The following CNEP1R1 variants were observed in gnomAD, a reference collection of about 807,000 sequenced individuals.
CNEP1R1 encodes the protein nuclear envelope phosphatase-regulatory subunit 1.
A neutral mutation model predicts 22.7 loss-of-function variants in CNEP1R1; 10 were observed. That is an observed-to-expected ratio of 0.44 (90% CI 0.27 to 0.75). CNEP1R1 has a LOEUF of 0.75. Ranked by LOEUF, CNEP1R1 falls within the 30% of genes least tolerant of loss-of-function variation. The pLI, the probability that CNEP1R1 is intolerant of heterozygous loss-of-function variation, is 0.17. For synonymous variants in CNEP1R1, 53 were observed against 50.1 expected, an observed-to-expected ratio of 1.06 and a Z score of -0.25; for missense variants, 73 against 151.5, an observed-to-expected ratio of 0.48 and a Z score of 2.72.
intron 3 of CNEP1R1, among the ~76,000 whole-genome samples, chr16:50,032,755 A>G (rs150937270): frequency 7.9e-5 from 12 of 152,362 alleles, no homozygotes; most frequent in Middle Eastern, 3.4e-3. Flanking sequence ...CTGTAATCCC[A>G]GCACTTTGGG....
At chr16:50,028,544 T>C (rs2036206014) in intron 2 of CNEP1R1, among the ~76,000 whole-genome samples, 1 of 152,200 alleles carries the variant, frequency 6.6e-6, no homozygotes, top group African/African-American at 2.4e-5. Flanking sequence ...CTAGGAATTA[T>C]CCCCAAAACC....
At chr16:50,029,052 C>T (rs1365612103) in intron 2 of CNEP1R1, among the ~76,000 whole-genome samples, 1 of 152,218 alleles carries the variant, frequency 6.6e-6, no homozygotes, top group African/African-American at 2.4e-5. Context: ...AGAATATTAA[C>T]TGGGTCTTGA....
Position 50,025,349 on chromosome 16 carries a change from GGCC to G in CNEP1R1, c.25+13_25+15del. 1 of 1,432,708 alleles carries G rather than the reference GGCC, an allele frequency of 7.0e-7. No homozygotes were observed. Among genetic ancestry groups the G allele is most frequent in the Non-Finnish European group, 9.1e-7 (1 of 1,097,206 alleles). The allele number at this position is 1,432,708 out of a possible 1,614,324, so 88.7% of individuals were successfully genotyped here. ...GCTGGAGCAGGCGGAAGGTAGGGTGGGCCGCCCGGGCCCGTCCCCCGTCTCCCC... is the reference window on the plus strand; with the variant it reads ...GCTGGAGCAGGCGGAAGGTAGGGTGGGCCCGGGCCCGTCCCCCGTCTCCCC... On this transcript the variant is annotated intron_variant, in intron 1 of 5. Transcript: ENST00000427478.
rs2036285406 is a variant in CNEP1R1 at position 50,037,001 on chromosome 16, T to C, written c.*1543T>C. The C allele has an allele frequency of 6.5e-6, 1 of 152,674 alleles. No homozygotes were observed. The highest frequency in any genetic ancestry group is 1.5e-5 in the Non-Finnish European group (1 of 68,034). The allele number at this position is 152,674 out of a possible 1,614,324, so 9.5% of individuals were successfully genotyped here. A position where few individuals can be genotyped will look rare whatever the true frequency, so the allele number is the denominator to read the frequency against. ...GCTCCTAAGAAGTCTTAAGAGGGTA[T>C]TCTATATATTCTGCTTTGTTTTATT... On this transcript the variant is annotated 3_prime_UTR_variant, in exon 6 of 6. Coordinates refer to ENST00000427478, the MANE Select transcript of CNEP1R1 (RefSeq NM_001281789.2).
rs2036248598 is a variant in CNEP1R1 at position 50,033,456 on chromosome 16, A to G, written c.231A>G (p.Leu77=). 10 of 1,603,626 alleles carry G rather than the reference A, an allele frequency of 6.2e-6. No homozygotes were observed. The highest frequency in any genetic ancestry group is 1.7e-4 in the Middle Eastern group (1 of 5,980). Residue 77 remains leucine, a synonymous_variant, in exon 4 of 6, where the codon CTA becomes CTG. Coordinates refer to ENST00000427478, the MANE Select transcript of CNEP1R1 (RefSeq NM_001281789.2). ...TTTTCACCATTAGCTGTATCACTCTAATAGGCTTGTTCTTTGCTGGAATAC... is the reference window on the plus strand; with the variant it reads ...TTTTCACCATTAGCTGTATCACTCTGATAGGCTTGTTCTTTGCTGGAATAC... ...HPFFTISCIT[L]IGLFFAGIHK... is the part of the protein sequence containing the mutation.
Position 50,025,359 on chromosome 16 carries a change from G to T in CNEP1R1, c.25+19G>T, listed in dbSNP as rs762737420. On this transcript the variant is annotated intron_variant, in intron 1 of 5. Transcript: ENST00000427478. ...GCGGAAGGTAGGGTGGGCCGCCCGGGCCCGTCCCCCGTCTCCCCTCGGAAG... is the reference window on the plus strand; with the variant it reads ...GCGGAAGGTAGGGTGGGCCGCCCGGTCCCGTCCCCCGTCTCCCCTCGGAAG... 169 of 1,436,702 alleles carry T rather than the reference G, an allele frequency of 1.2e-4. No homozygotes were observed. Among genetic ancestry groups the T allele is most frequent in the Admixed American group, 9.1e-5 (3 of 32,928 alleles). The allele number at this position is 1,436,702 out of a possible 1,614,324, so 89.0% of individuals were successfully genotyped here.
intron 5 of CNEP1R1, chr16:50,034,755 T>G (rs892223904): frequency 1.3e-5 from 2 of 153,988 alleles, no homozygotes; most frequent in East Asian, 1.9e-4. Context: ...ATGTAAAAAT[T>G]AGCCAGGCAG....
Position 50,026,397 on chromosome 16 carries a change from T to A in CNEP1R1, c.27T>A (p.Asp9Glu). Residue 9 changes from aspartate (D) to glutamate (E), a missense_variant and splice_region_variant, in exon 2 of 6, where the codon GAT becomes GAA. Transcript: ENST00000427478. MNSLEQAEDLKAFERRLTE... is the reference protein window; with the variant it reads MNSLEQAEELKAFERRLTE... ...GAAAATTGACATCTTTATACCTAGA[T>A]CTCAAGGCTTTTGAGAGGAGACTTA... 1 of 1,605,822 alleles carries A rather than the reference T, an allele frequency of 6.2e-7. No homozygotes were observed. The highest frequency in any genetic ancestry group is 1.1e-5 in the South Asian group (1 of 89,576).
chr16:50,031,923 A>G (rs2036234422), intron 3 of CNEP1R1, among the ~76,000 whole-genome samples: 1 of 152,204 alleles, frequency 6.6e-6, no homozygotes. Flanking sequence ...AAAGCACTGT[A>G]TATGCTAACC....
At chr16:50,028,487 T>A (rs1260727350) in intron 2 of CNEP1R1, among the ~76,000 whole-genome samples, 1 of 152,204 alleles carries the variant, frequency 6.6e-6, no homozygotes, top group Non-Finnish European at 1.5e-5. Flanking sequence ...AGAATTCTGG[T>A]TGGTCAGAAT....
chr16:50,026,509 A>T (rs1475248258), intron 2 of CNEP1R1, 42 bp downstream of exon 2: 2 of 1,356,686 alleles, frequency 1.5e-6, no homozygotes, highest in Admixed American at 1.9e-5. Flanking sequence ...CTAACAATTG[A>T]TACTTTTATC....
Position 50,035,814 on chromosome 16 carries a change from T to C in CNEP1R1, c.*356T>C, listed in dbSNP as rs908715676. On this transcript the variant is annotated 3_prime_UTR_variant, in exon 6 of 6. Transcript: ENST00000427478. ...ACTGTAAATAGCAAATCAATGCCAA[T>C]GTTAAACAAAGAGGAAAACGTTGTG... 6 of 180,858 alleles carry C rather than the reference T, an allele frequency of 3.3e-5. No homozygotes were observed. The highest frequency in any genetic ancestry group is 1.4e-4 in the African/African-American group (6 of 42,536). 11.2% of individuals were successfully genotyped at this position (180,858 alleles called of 1,614,324 possible).
chr16:50,026,503 CA>C, intron 2 of CNEP1R1, 36 bp downstream of exon 2: 2 of 1,400,872 alleles, frequency 1.4e-6, no homozygotes, highest in Non-Finnish European at 2.0e-6. Context: ...GGAAAACTAA[CA>C]ATTGATACTT....
chr16:50,029,479 C>T (rs985676241), intron 2 of CNEP1R1, among the ~76,000 whole-genome samples: 2 of 152,186 alleles, frequency 1.3e-5, no homozygotes, highest in Non-Finnish European at 2.9e-5. Flanking sequence ...CTTTTTATTT[C>T]ATTGATCATC....
chr16:50,031,019 A>G (rs2036226840), intron 3 of CNEP1R1, among the ~76,000 whole-genome samples: 1 of 152,286 alleles, frequency 6.6e-6, no homozygotes, highest in Non-Finnish European at 1.5e-5. Flanking sequence ...TTTCAAACTC[A>G]GGGCTTTTTT....
rs553452202 is a variant in CNEP1R1 at position 50,026,618 on chromosome 16, T to C, written c.97+151T>C. 151 of 622,380 alleles carry C rather than the reference T, an allele frequency of 2.4e-4. 3 individuals carry two copies. The East Asian group carries it at 3.6e-3, about 15-fold the overall frequency. 38.6% of individuals were successfully genotyped at this position (622,380 alleles called of 1,614,324 possible). On this transcript the variant is annotated intron_variant, in intron 2 of 5. Coordinates refer to ENST00000427478, the MANE Select transcript of CNEP1R1 (RefSeq NM_001281789.2). ...GAAGAAATTTTTAAGAAAAGGAAAT[T>C]ATAACTGGCCTTCTCAAAAGAACAG...
chr16:50,031,941 G>A (rs2036234508), intron 3 of CNEP1R1, among the ~76,000 whole-genome samples: 1 of 152,226 alleles, frequency 6.6e-6, no homozygotes, highest in South Asian at 2.1e-4. Context: ...ACCTGGTGCA[G>A]GCCACACACA....
intron 3 of CNEP1R1, among the ~76,000 whole-genome samples, chr16:50,030,767 A>G (rs1445374678): frequency 6.6e-6 from 1 of 152,224 alleles, no homozygotes; most frequent in African/African-American, 2.4e-5. Flanking sequence ...AAGATAACAC[A>G]TATATCAATT....
intron 2 of CNEP1R1, among the ~76,000 whole-genome samples, 184 bp from the exon 3 acceptor site, chr16:50,029,541 C>T (rs2036214420): frequency 6.6e-6 from 1 of 152,204 alleles, no homozygotes. Context: ...TACTAAGGTT[C>T]ACAATGTTTA....
Sources: gnomAD v4.1 joint callset for allele counts (sites outside exome capture counted in the v4.1 genomes callset) on GRCh38, gnomAD v4.1.1 for gene constraint, MANE v1.5 for transcripts, NCBI Gene and HGNC (gene_info 2026-07-23, HGNC 2026-07-21) for gene names.